RAB11FIP5: variants seen among roughly 807,000 people sequenced by gnomAD.
RAB11FIP5 encodes the protein rab11 family-interacting protein 5.
In RAB11FIP5, 48 loss-of-function variants were observed where a neutral mutation model predicts 85.1. The ratio of observed to expected loss-of-function variants is 0.56; its 90% CI spans 0.45 to 0.72. RAB11FIP5 has a LOEUF of 0.72. RAB11FIP5 is among the 30% of genes least tolerant of loss of function. The pLI is 0.00. For missense variants in RAB11FIP5, 1,491 were observed against 1,687.0 expected, an observed-to-expected ratio of 0.88 and a Z score of 2.04; for synonymous variants, 729 against 727.3, an observed-to-expected ratio of 1.00 and a Z score of -0.04.
rs111563256 is a variant in RAB11FIP5 at position 73,101,420 on chromosome 2, T to C, written c.431+10927A>G. ...ATTTTAGATATCAAGACAACTTGAA[T>C]GTGGGCTGGATATTAGATGATTATT... On this transcript the variant is annotated intron_variant, in intron 1 of 5. Coordinates refer to ENST00000486777, the MANE Select transcript of RAB11FIP5 (RefSeq NM_001371272.1). Among the ~76,000 whole-genome samples the C allele has an allele frequency of 9.3e-3, 1,414 of 152,290 alleles. 9 individuals are homozygous for C. Among genetic ancestry groups the C allele is most frequent in the Non-Finnish European group, 0.012 (815 of 68,022 alleles).
Position 73,080,433 on chromosome 2 carries a change from C to T in RAB11FIP5, c.2799G>A (p.Glu933=), listed in dbSNP as rs962049875. The T allele has an allele frequency of 6.5e-6, 8 of 1,233,478 alleles. No homozygotes were observed. The South Asian group carries it at 2.1e-4, about 32-fold the overall frequency. 76.4% of individuals were successfully genotyped at this position (1,233,478 alleles called of 1,614,324 possible). The change falls in exon 4 of 6, where the codon GAG becomes GAA. Residue 933 remains glutamate (E), a synonymous_variant. Transcript: ENST00000486777. ...GTGCACTTGGGGAGGCATCTTCTCC[C>T]TCTGTCTCCGGCCCCCTGTTACTCA... ...VGLSNRGPET[E]GEDASPSALV...
At chr2:73,101,074 A>T (rs1191142679) in intron 1 of RAB11FIP5, among the ~76,000 whole-genome samples, 2 of 151,940 alleles carry the variant, frequency 1.3e-5, no homozygotes, top group Admixed American at 6.5e-5. Context: ...GGGGCTAACC[A>T]CCCATCAGGG....
At chr2:73,093,943 A>C (rs1260868976) in intron 1 of RAB11FIP5, among the ~76,000 whole-genome samples, 1 of 152,168 alleles carries the variant, frequency 6.6e-6, no homozygotes, top group Admixed American at 6.5e-5. Flanking sequence ...CAACATGGCG[A>C]AACCCCGTGT....
chr2:73,099,050 T>C (rs1190313382), intron 1 of RAB11FIP5, among the ~76,000 whole-genome samples: 2 of 150,870 alleles, frequency 1.3e-5, no homozygotes, highest in African/African-American at 4.8e-5. Context: ...TTTTCTTTTT[T>C]CTTTTTTTTT....
rs1574293353 is a variant in RAB11FIP5, at chr2:73,079,848, C to G, written c.3384G>C (p.Leu1128=). The G allele has an allele frequency of 2.4e-6, 3 of 1,232,186 alleles. No homozygotes were observed. The highest frequency in any genetic ancestry group is 3.0e-6 in the Non-Finnish European group (3 of 988,138). The allele number at this position is 1,232,186 out of a possible 1,614,324, so 76.3% of individuals were successfully genotyped here. A position where few individuals can be genotyped will look rare whatever the true frequency, so the allele number is the denominator to read the frequency against. ...AGGTAGTCAGGGGCCAGGCTTCAGACAGGGGAGAGCATGGAGGGCTGGGCC... is the reference window on the plus strand; with the variant it reads ...AGGTAGTCAGGGGCCAGGCTTCAGAGAGGGGAGAGCATGGAGGGCTGGGCC... ...RGGPSPPCSP[L]SEAWPLTTSS... Residue 1128 remains leucine (L), a synonymous_variant, in exon 4 of 6, where the codon CTG becomes CTC. Coordinates refer to ENST00000486777, the MANE Select transcript of RAB11FIP5 (RefSeq NM_001371272.1).
chr2:73,095,032 G>A (rs920070252), intron 1 of RAB11FIP5, among the ~76,000 whole-genome samples: 1 of 151,952 alleles, frequency 6.6e-6, no homozygotes, highest in Non-Finnish European at 1.5e-5. Flanking sequence ...CTCAGAGTCC[G>A]GGCTGCCTGC....
In RAB11FIP5 at chr2:73,088,572, T is replaced by C. The variant is rs1462596434; in HGVS notation, c.1046A>G (p.Gln349Arg). 6.2e-7 allele frequency: 1 copy of C among 1,613,722 alleles called. No individual in the cohort carries two copies. Among genetic ancestry groups the C allele is most frequent in the East Asian group, 2.2e-5 (1 of 44,888 alleles). ...NGSHIYNEEPQGPVRHRSSIS... is the reference protein window; with the variant it reads ...NGSHIYNEEPRGPVRHRSSIS... ...GGAGCTGCGGTGCCGCACAGGGCCC[T>C]GGGGCTCCTCATTGTAAATGTGGCT... The change falls in exon 3 of 6, where the codon CAG becomes CGG. Residue 349 changes from glutamine (Q) to arginine (R), a missense_variant. This residue lies in a region of RAB11FIP5 where 1,211 missense variants were observed against 1,338.0 expected (regional missense o/e 0.91). Transcript: ENST00000486777.
rs1359297385 is a variant in RAB11FIP5 at position 73,075,617 on chromosome 2, A to G, written c.3879T>C (p.His1293=). 11 of 1,613,962 alleles carry G rather than the reference A, an allele frequency of 6.8e-6. No individual in the cohort carries two copies. The highest frequency in any genetic ancestry group is 1.7e-5 in the Admixed American group (1 of 60,000). The stretch of plus-strand genomic sequence containing the variant: ...CGATGTAGCTCTCCAGCTCCTGCAC[A>G]TGCTCGTCCCGCTGGCTCAGCTCCC... ...RERELSQRDE[H]VQELESYIDR... Residue 1293 remains histidine (H), a synonymous_variant, in exon 6 of 6, where the codon CAT becomes CAC. Transcript: ENST00000486777. This position sits in a 1 kb window ranked among gnomAD's most constrained non-coding sequence, Gnocchi z 4.6.
At chr2:73,092,458 A>G (rs556065545) in intron 1 of RAB11FIP5, among the ~76,000 whole-genome samples, 10 of 152,332 alleles carry the variant, frequency 6.6e-5, no homozygotes, top group African/African-American at 2.4e-4. Flanking sequence ...AGGAGCATAT[A>G]TTACTGTGGT....
In RAB11FIP5 at chr2:73,082,068, G is replaced by C. The variant is rs1052441770; in HGVS notation, c.1569-405C>G. On this transcript the variant is annotated intron_variant, in intron 3 of 5. Coordinates refer to ENST00000486777, the MANE Select transcript of RAB11FIP5 (RefSeq NM_001371272.1). ...TTTTTTTTTTTTTTTTTGAGATAGA[G>C]TCTCTTGCCCAGGCTGGAGTGCAGT... Among the ~76,000 whole-genome samples the C allele has an allele frequency of 3.0e-4, 41 of 137,012 alleles. 1 individual carries two copies. In the Middle Eastern group the frequency reaches 0.012, roughly 39 times the overall value. 89.9% of individuals were successfully genotyped at this position (137,012 alleles called of 152,430 possible).
chr2:73,099,275 CCTGACCTCAGGTGAT>C (rs1030673980), intron 1 of RAB11FIP5, among the ~76,000 whole-genome samples: 1 of 152,066 alleles, frequency 6.6e-6, no homozygotes, highest in African/African-American at 2.4e-5. Context: ...GTTTCAAACT[CCTGACCTCAGGTGAT>C]CTGCCCACCT....
intron 1 of RAB11FIP5, among the ~76,000 whole-genome samples, chr2:73,109,727 CA>C (rs1171706177): frequency 6.6e-6 from 1 of 152,198 alleles, no homozygotes; most frequent in Non-Finnish European, 1.5e-5. Flanking sequence ...TGCAAAGGGC[CA>C]GCTCATTTTG....
chr2:73,105,984 C>T (rs754185329), intron 1 of RAB11FIP5, among the ~76,000 whole-genome samples: 1 of 152,156 alleles, frequency 6.6e-6, no homozygotes, highest in African/African-American at 2.4e-5. Context: ...CTTGAGAGTT[C>T]ATGGCTGCAG....
chr2:73,082,325 C>T (rs554849888), intron 3 of RAB11FIP5, among the ~76,000 whole-genome samples: 1 of 152,110 alleles, frequency 6.6e-6, no homozygotes, highest in Non-Finnish European at 1.5e-5. Context: ...GGACTAAAAG[C>T]AAAGAAAACA....
At chr2:73,091,913 G>A (rs55938508) in intron 1 of RAB11FIP5, among the ~76,000 whole-genome samples, 9,061 of 152,196 alleles carry the variant, frequency 0.06, 322 homozygotes, top group East Asian at 0.14. Context: ...CAGGCAGGGC[G>A]GACAGAGAAA....
chr2:73,096,899 C>G (rs1180444867), intron 1 of RAB11FIP5, among the ~76,000 whole-genome samples: 1 of 152,174 alleles, frequency 6.6e-6, no homozygotes, highest in Non-Finnish European at 1.5e-5. Context: ...GGCCACTATA[C>G]GTGCTGCTCT....
At chr2:73,109,061 A>AT (rs1219628749) in intron 1 of RAB11FIP5, among the ~76,000 whole-genome samples, 1 of 152,148 alleles carries the variant, frequency 6.6e-6, no homozygotes, top group Non-Finnish European at 1.5e-5. Flanking sequence ...GAAAAAAAAA[A>AT]GGATGTTGAA....
Position 73,075,901 on chromosome 2 carries a change from G to T in RAB11FIP5, c.3771+92C>A. ...TTCAGGACTCTGATATGGGGGACCT[G>T]GCCTGCTCCCTGCCCCACCCTCACC... On this transcript the variant is annotated intron_variant, in intron 5 of 5. Coordinates refer to ENST00000486777, the MANE Select transcript of RAB11FIP5 (RefSeq NM_001371272.1). The surrounding 1 kb of genome is among the most constrained non-coding windows in gnomAD (Gnocchi z 4.6). 1 of 1,501,380 alleles carries T rather than the reference G, an allele frequency of 6.7e-7. No homozygotes were observed. The highest frequency in any genetic ancestry group is 9.1e-7 in the Non-Finnish European group (1 of 1,103,582). The allele number at this position is 1,501,380 out of a possible 1,614,324, so 93.0% of individuals were successfully genotyped here. A position where few individuals can be genotyped will look rare whatever the true frequency, so the allele number is the denominator to read the frequency against.
intron 1 of RAB11FIP5, among the ~76,000 whole-genome samples, chr2:73,106,993 C>T (rs1684540991): frequency 6.6e-6 from 1 of 152,186 alleles, no homozygotes; most frequent in Admixed American, 6.5e-5. Context: ...GGCCGGGGCC[C>T]AGCTCCATAC....
Sources: allele counts gnomAD v4.1 joint callset (sites outside exome capture counted in the v4.1 genomes callset), GRCh38; gene constraint gnomAD v4.1.1; regional missense constraint gnomAD v4.1.1; non-coding constraint Gnocchi (gnomAD v3.1); transcripts MANE v1.5; gene names NCBI Gene and HGNC (gene_info 2026-07-23, HGNC 2026-07-21).